Variants in MASTL observed in about 807,000 individuals in gnomAD.
The protein encoded by MASTL is serine/threonine-protein kinase greatwall.
Under a neutral mutation model 82.5 loss-of-function variants are expected in MASTL, and 54 were observed. The observed-to-expected ratio is 0.65, with a 90% CI of 0.53 to 0.82. The LOEUF (loss-of-function observed/expected upper bound fraction) is 0.82, where lower values mean the gene tolerates loss of function less well. Among genes scored for constraint, MASTL ranks in the 40% least tolerant of loss-of-function variants. MASTL has a pLI of 0.00. For missense variants in MASTL, 950 were observed against 1,047.8 expected, an observed-to-expected ratio of 0.91 and a Z score of 1.29; for synonymous variants, 323 against 368.9, an observed-to-expected ratio of 0.88 and a Z score of 1.43.
intron 9 of MASTL, chr10:27,177,723 C>A (rs1170755899): frequency 3.2e-6 from 1 of 316,304 alleles, no homozygotes; most frequent in Non-Finnish European, 4.6e-6. Flanking sequence ...TACCTGGTGC[C>A]CAGTTCAGTG....
At chr10:27,182,970 T>G (rs985456503) in intron 11 of MASTL, among the ~76,000 whole-genome samples, 2 of 152,138 alleles carry the variant, frequency 1.3e-5, no homozygotes, top group Admixed American at 1.3e-4. Context: ...GTTAGTGTCT[T>G]GGGTTTTTCA....
In MASTL at chr10:27,161,177, A is replaced by T. The variant is rs1418598867; in HGVS notation, c.548A>T (p.Asn183Ile). ...TTTGGCCTTTCAAAAGTTACTTTGA[A>T]TAGAGGTAAGAAAAATATCAAGTAA... ...TDFGLSKVTLNRDINMMDILT... is the reference protein window; with the variant it reads ...TDFGLSKVTLIRDINMMDILT... Residue 183 changes from asparagine (N) to isoleucine (I), a missense_variant, in exon 4 of 12, where the codon AAT (asparagine) becomes ATT (isoleucine). Transcript: ENST00000375940. 2 of 1,557,922 alleles carry T rather than the reference A, an allele frequency of 1.3e-6. No homozygotes were observed. Among genetic ancestry groups the T allele is most frequent in the African/African-American group, 2.7e-5 (2 of 73,936 alleles).
At chr10:27,184,994 A>G (rs2058587171) in intron 11 of MASTL, among the ~76,000 whole-genome samples, 3 of 152,246 alleles carry the variant, frequency 2.0e-5, no homozygotes, top group Admixed American at 2.0e-4. Context: ...CTTCCAATGT[A>G]GCCATAAGCT....
At chr10:27,155,856 A>C (rs2057348360) in intron 1 of MASTL, among the ~76,000 whole-genome samples, 1 of 151,432 alleles carries the variant, frequency 6.6e-6, no homozygotes, top group African/African-American at 2.4e-5. Context: ...GCAAAGTTTG[A>C]CTCTCTTCTC....
rs748844120 is a variant in MASTL at position 27,158,704 on chromosome 10, A to G, written c.324+18A>G. ...TCTACTTGGTGAGTAAATAATTTTT[A>G]TGTTGTTTCTTTATCCATTAAGCAG... On this transcript the variant is annotated intron_variant, in intron 2 of 11. Transcript: ENST00000375940. The G allele has an allele frequency of 6.2e-7, 1 of 1,612,434 alleles. No individual in the cohort carries two copies. The highest frequency in any genetic ancestry group is 1.1e-5 in the South Asian group (1 of 91,052).
intron 9 of MASTL, among the ~76,000 whole-genome samples, chr10:27,177,101 C>T (rs2058125814): frequency 6.6e-6 from 1 of 152,070 alleles, no homozygotes; most frequent in Non-Finnish European, 1.5e-5. Context: ...AAGTGTTCAG[C>T]CTCCCAAAGT....
chr10:27,173,388 A>T (rs1004502963), intron 9 of MASTL, 129 bp downstream of exon 9: 3 of 978,484 alleles, frequency 3.1e-6, no homozygotes, highest in Admixed American at 2.0e-5. Flanking sequence ...CATCTAGTAT[A>T]TATATGGCAT....
At chr10:27,184,301 C>A (rs1422083055) in intron 11 of MASTL, among the ~76,000 whole-genome samples, 1 of 152,112 alleles carries the variant, frequency 6.6e-6, no homozygotes, top group Non-Finnish European at 1.5e-5. Flanking sequence ...TGAAGAGGGG[C>A]ATTTGAGCAG....
chr10:27,161,550 A>T (rs1564484108), intron 4 of MASTL, among the ~76,000 whole-genome samples: 2 of 16,188 alleles, frequency 1.2e-4, no homozygotes, highest in Non-Finnish European at 3.3e-4. Flanking sequence ...TAAAAAATTA[A>T]AAAAAATGAA....
chr10:27,171,544 G>A (rs1006112434), intron 8 of MASTL, among the ~76,000 whole-genome samples: 1 of 147,202 alleles, frequency 6.8e-6, no homozygotes, highest in Non-Finnish European at 1.5e-5. Flanking sequence ...CGATTCTCCT[G>A]CCTCAGCCTC....
At chr10:27,155,242 T>G (rs1366346166), upstream of MASTL, 2 of 627,118 alleles carry the variant, frequency 3.2e-6, no homozygotes, top group Admixed American at 3.0e-5. Flanking sequence ...GGCTGCGAAG[T>G]CGGGGCTTTC....
chr10:27,155,331 G>A (rs1288859136), upstream of MASTL: 3 of 1,292,826 alleles, frequency 2.3e-6, no homozygotes, highest in Non-Finnish European at 3.2e-6. Flanking sequence ...TCACGGCCGC[G>A]CGCGGCGTGG....
intron 10 of MASTL, 44 bp downstream of exon 10, chr10:27,181,110 C>T: frequency 7.3e-7 from 1 of 1,363,350 alleles, no homozygotes; most frequent in African/African-American, 1.4e-5. Context: ...ACTGGCTGGG[C>T]ATAGTGGCCC....
At chr10:27,156,425 G>A (rs955573793) in intron 1 of MASTL, among the ~76,000 whole-genome samples, 3 of 152,244 alleles carry the variant, frequency 2.0e-5, no homozygotes, top group African/African-American at 7.2e-5. Flanking sequence ...CCACAGAAGA[G>A]TGATTAATCT....
chr10:27,183,989 GGCATGA>G (rs1465159487), intron 11 of MASTL, among the ~76,000 whole-genome samples: 38 of 152,290 alleles, frequency 2.5e-4, no homozygotes, highest in African/African-American at 8.2e-4. Context: ...TGGGATTACA[GGCATGA>G]GCCACCACGC....
chr10:27,167,573 CTTCCCATGATACAGACATTGGCTTGTTGG>C (rs2057780781), intron 7 of MASTL, among the ~76,000 whole-genome samples: 1 of 152,088 alleles, frequency 6.6e-6, no homozygotes, highest in Non-Finnish European at 1.5e-5. Flanking sequence ...TTTAGAAGTC[CTTCCCATGATACAGACATTGGCTTGTTGG>C]TTTTGTTTTA....
chr10:27,168,809 C>A (rs75767012), intron 7 of MASTL, among the ~76,000 whole-genome samples: 2 of 150,272 alleles, frequency 1.3e-5, no homozygotes, highest in Non-Finnish European at 3.0e-5. Context: ...ACTCCATCTT[C>A]AAAAAAAAAT....
rs1588841582 is a variant in MASTL at position 27,186,784 on chromosome 10, A to T, written c.*248A>T. 1 of 476,774 alleles carries T rather than the reference A, an allele frequency of 2.1e-6. No individual in the cohort carries two copies. Among genetic ancestry groups the T allele is most frequent in the East Asian group, 4.0e-5 (1 of 24,950 alleles). The allele number at this position is 476,774 out of a possible 1,614,324, so 29.5% of individuals were successfully genotyped here. On this transcript the variant is annotated 3_prime_UTR_variant, in exon 12 of 12. Coordinates refer to ENST00000375940, the MANE Select transcript of MASTL (RefSeq NM_001172303.3). ...TTCATTTATTTATTTTGTTTATTGC[A>T]CTTTATGAAAACTGAAGCATCAATA...
chr10:27,173,265 G>A lies in MASTL; in HGVS notation c.2266+6G>A. 6.2e-7 allele frequency: 1 copy of A among 1,613,952 alleles called. No individual in the cohort carries two copies. ...GTTACTAGGCAGGGCCCATGGTAAG[G>A]CATGCATGTCTTGAGTTTTTGAAGT... On this transcript the variant is annotated splice_donor_region_variant and intron_variant, in intron 9 of 11. Transcript: ENST00000375940.
Sources: allele counts gnomAD v4.1 joint callset (sites outside exome capture counted in the v4.1 genomes callset), GRCh38; gene constraint gnomAD v4.1.1; transcripts MANE v1.5; gene names NCBI Gene and HGNC (gene_info 2026-07-23, HGNC 2026-07-21).